ARHGAP26: variants seen among roughly 807,000 people sequenced by gnomAD.
ARHGAP26 encodes Rho GTPase activating protein 26.
ARHGAP26 carries 38 observed loss-of-function variants against 104.8 expected under a neutral mutation model. That is an observed-to-expected ratio of 0.36 (90% CI 0.28 to 0.48). The LOEUF is 0.48. Ranked by LOEUF, ARHGAP26 falls within the 20% of genes least tolerant of loss-of-function variation. ARHGAP26 has a pLI of 0.99. For missense variants in ARHGAP26, 704 were observed against 947.9 expected (o/e 0.74, Z 3.38); for synonymous variants, 341 against 340.0 (o/e 1.00, Z -0.03).
chr5:143,004,017 C>CAAAAAA (rs144058530), intron 11 of ARHGAP26, among the ~76,000 whole-genome samples: 3 of 118,168 alleles, frequency 2.5e-5, no homozygotes, highest in Admixed American at 8.4e-5. Context: ...AATTTATAGA[C>CAAAAAA]AAAAAAAAAA....
intron 20 of ARHGAP26, among the ~76,000 whole-genome samples, chr5:143,176,167 A>G (rs6894946): frequency 0.61 from 92,981 of 152,066 alleles, 30,179 homozygotes; most frequent in African/African-American, 0.85. Context: ...ACAATGAAAC[A>G]GAATTGTCTT....
intron 17 of ARHGAP26, among the ~76,000 whole-genome samples, chr5:143,084,022 G>C (rs1790192162): frequency 6.6e-6 from 1 of 152,208 alleles, no homozygotes; most frequent in Admixed American, 6.5e-5. Context: ...GCATCTGCAG[G>C]CTCTCGCCGT....
intron 1 of ARHGAP26, among the ~76,000 whole-genome samples, chr5:142,872,091 G>T (rs1755399080): frequency 6.6e-6 from 1 of 152,184 alleles, no homozygotes; most frequent in South Asian, 2.1e-4. Context: ...TTGCTTGGAA[G>T]GAGCACTGGG....
In ARHGAP26 at chr5:142,949,234, A is replaced by AGAG. The variant is rs1767895891; in HGVS notation, c.1107+17110_1107+17112dup. Among the ~76,000 whole-genome samples the AGAG allele has an allele frequency of 6.1e-5, 5 of 81,968 alleles. 1 individual carries two copies. Among genetic ancestry groups the AGAG allele is most frequent in the African/African-American group, 2.3e-4 (3 of 13,126 alleles). 53.8% of individuals were successfully genotyped at this position (81,968 alleles called of 152,430 possible). On this transcript the variant is annotated intron_variant, in intron 11 of 22. Transcript: ENST00000645722. The stretch of plus-strand genomic sequence containing the variant: ...GAGAGAGAGAGAGGAGAGAGAGAGG[A>AGAG]GAGAGAGAGAGAGAGAGAGAGAGTT...
At chr5:143,077,955 C>G (rs1789271875) in intron 17 of ARHGAP26, among the ~76,000 whole-genome samples, 1 of 152,164 alleles carries the variant, frequency 6.6e-6, no homozygotes. Flanking sequence ...CTGATTGCCT[C>G]TCACCTTTGC....
intron 17 of ARHGAP26, among the ~76,000 whole-genome samples, chr5:143,100,647 A>G (rs748436167): frequency 6.6e-6 from 1 of 152,230 alleles, no homozygotes; most frequent in Non-Finnish European, 1.5e-5. Flanking sequence ...AAACCCAGGT[A>G]GTCACTGCTT....
chr5:143,110,587 C>A (rs1244989937), intron 17 of ARHGAP26, among the ~76,000 whole-genome samples: 2 of 152,176 alleles, frequency 1.3e-5, no homozygotes, highest in Non-Finnish European at 2.9e-5. Context: ...AACTTTTAAA[C>A]CTCCTCTATT....
chr5:142,895,564 A>C (rs1759365401), intron 6 of ARHGAP26, among the ~76,000 whole-genome samples: 1 of 152,198 alleles, frequency 6.6e-6, no homozygotes, highest in African/African-American at 2.4e-5. Context: ...AATAAGAATA[A>C]AACTGTAAGA....
chr5:142,893,212 G>A (rs748874975), intron 5 of ARHGAP26, among the ~76,000 whole-genome samples: 8 of 151,932 alleles, frequency 5.3e-5, no homozygotes, highest in Non-Finnish European at 8.8e-5. Flanking sequence ...TCTTGACCTC[G>A]TGATCCGCCC....
chr5:142,852,625 C>T (rs1751711520), intron 1 of ARHGAP26, among the ~76,000 whole-genome samples: 1 of 152,110 alleles, frequency 6.6e-6, no homozygotes, highest in Non-Finnish European at 1.5e-5. Context: ...TGCATTTTGG[C>T]TGCTTGCTGC....
intron 1 of ARHGAP26, among the ~76,000 whole-genome samples, chr5:142,792,957 G>A (rs1760163682): frequency 1.3e-5 from 2 of 152,208 alleles, no homozygotes; most frequent in African/African-American, 4.8e-5. Flanking sequence ...GATGTTCATC[G>A]AAGGCAGAAA....
At chr5:143,146,444 G>A (rs562681214) in intron 19 of ARHGAP26, among the ~76,000 whole-genome samples, 6 of 152,330 alleles carry the variant, frequency 3.9e-5, no homozygotes, top group African/African-American at 1.4e-4. Context: ...AGGAATCCAA[G>A]ATCAAGTAGA....
In ARHGAP26 at chr5:143,224,458, T is replaced by C; in HGVS notation, c.*2012T>C. On this transcript the variant is annotated 3_prime_UTR_variant, in exon 23 of 23. Transcript: ENST00000645722. The stretch of plus-strand genomic sequence containing the variant: ...TCCAGGCAATGAGTTTTTCAAAGAA[T>C]GCCTACTTAGTAGTAAGATGAAGCT... 4.4e-6 allele frequency: 1 copy of C among 229,160 alleles called. No homozygotes were observed. Among genetic ancestry groups the C allele is most frequent in the Non-Finnish European group, 8.7e-6 (1 of 115,492 alleles). The allele number at this position is 229,160 out of a possible 1,614,324, so 14.2% of individuals were successfully genotyped here. A position where few individuals can be genotyped will look rare whatever the true frequency, so the allele number is the denominator to read the frequency against.
intron 17 of ARHGAP26, among the ~76,000 whole-genome samples, chr5:143,093,263 G>A (rs367695000): frequency 2.6e-5 from 4 of 151,888 alleles, no homozygotes; most frequent in East Asian, 1.9e-4. Flanking sequence ...AGCAGTTGCC[G>A]CTACAGGTTG....
At chr5:142,842,761 T>C (rs6874763) in intron 1 of ARHGAP26, among the ~76,000 whole-genome samples, 1,591 of 152,282 alleles carry the variant, frequency 0.01, 26 homozygotes, top group African/African-American at 0.036. Context: ...CAACATTTCA[T>C]TTGGAGGAGG....
chr5:142,959,383 G>A (rs909857458), intron 11 of ARHGAP26, among the ~76,000 whole-genome samples: 2 of 152,222 alleles, frequency 1.3e-5, no homozygotes, highest in Non-Finnish European at 2.9e-5. Flanking sequence ...CATGCTGTGT[G>A]TGTGTCCTCT....
intron 20 of ARHGAP26, among the ~76,000 whole-genome samples, chr5:143,151,676 C>T (rs958275963): frequency 4.6e-5 from 7 of 152,132 alleles, no homozygotes; most frequent in South Asian, 4.1e-4. Flanking sequence ...GTCAGTCTGG[C>T]GGGGTGCAGT....
intron 18 of ARHGAP26, among the ~76,000 whole-genome samples, chr5:143,128,266 A>C (rs528625102): frequency 1.7e-4 from 26 of 152,310 alleles, no homozygotes; most frequent in African/African-American, 6.3e-4. Flanking sequence ...TACTCAAATA[A>C]AGGTGGAGAT....
At chr5:143,107,041 C>G (rs1163033126) in intron 17 of ARHGAP26, among the ~76,000 whole-genome samples, 1 of 152,152 alleles carries the variant, frequency 6.6e-6, no homozygotes, top group Non-Finnish European at 1.5e-5. Context: ...GACATTTTTA[C>G]TGATGTATCT....
Sources: allele counts gnomAD v4.1 joint callset (sites outside exome capture counted in the v4.1 genomes callset), GRCh38; gene constraint gnomAD v4.1.1; transcripts MANE v1.5; gene names NCBI Gene and HGNC (gene_info 2026-07-23, HGNC 2026-07-21).